YIPF4: variants seen among roughly 807,000 people sequenced by gnomAD.
The protein encoded by YIPF4 is protein YIPF4.
Under a neutral mutation model 29.4 loss-of-function variants are expected in YIPF4, and 18 were observed. The ratio of observed to expected loss-of-function variants is 0.61; its 90% confidence interval spans 0.42 to 0.91. The LOEUF (loss-of-function observed/expected upper bound fraction) is 0.91, where lower values mean the gene tolerates loss of function less well. YIPF4 is among the 40% of genes least tolerant of loss of function. YIPF4 has a pLI of 0.00. For synonymous variants in YIPF4, 115 were observed against 104.7 expected, an observed-to-expected ratio of 1.10 and a Z score of -0.60; for missense variants, 279 against 282.7, an observed-to-expected ratio of 0.99 and a Z score of 0.09.
Position 32,305,843 on chromosome 2 carries a change from A to C in YIPF4, c.*217A>C, listed in dbSNP as rs1298960912. 1.0e-5 allele frequency: 12 copies of C among 1,178,704 alleles called. No individual in the cohort carries two copies. The highest frequency in any genetic ancestry group is 3.4e-4 in the Middle Eastern group (1 of 2,914). The allele number at this position is 1,178,704 out of a possible 1,614,324, so 73.0% of individuals were successfully genotyped here. The stretch of plus-strand genomic sequence containing the variant: ...GGGTCAGAATTTTAAATTCTGTTTG[A>C]TTCTCCATATTCCAGTGAATAAAAT... On this transcript the variant is annotated 3_prime_UTR_variant, in exon 6 of 6. Coordinates refer to ENST00000238831, the MANE Select transcript of YIPF4 (RefSeq NM_032312.4).
intron 1 of YIPF4, among the ~76,000 whole-genome samples, chr2:32,279,817 G>C (rs1489519080): frequency 6.6e-6 from 1 of 151,006 alleles, no homozygotes; most frequent in Non-Finnish European, 1.5e-5. Context: ...AAATAGTACT[G>C]GTCATAATTT....
rs1181276290 is a variant in YIPF4 at position 32,310,483 on chromosome 2, T to G, written c.*4857T>G. ...CCACCCATACTCAAGTCTCACAGTC[T>G]TCCCTGCAGAATCCAAGTATACAAA... On this transcript the variant is annotated 3_prime_UTR_variant, in exon 6 of 6. Coordinates refer to ENST00000238831, the MANE Select transcript of YIPF4 (RefSeq NM_032312.4). The G allele has an allele frequency of 2.0e-5, 3 of 152,192 alleles. No homozygotes were observed. The highest frequency in any genetic ancestry group is 4.4e-5 in the Non-Finnish European group (3 of 68,034). The allele number at this position is 152,192 out of a possible 1,614,324, so 9.4% of individuals were successfully genotyped here.
chr2:32,298,724 A>G (rs2148965541), intron 4 of YIPF4, among the ~76,000 whole-genome samples: 1 of 151,806 alleles, frequency 6.6e-6, no homozygotes, highest in African/African-American at 2.4e-5. Flanking sequence ...ATGCCCGGCT[A>G]ATTTTTGAAT....
At chr2:32,285,576 G>T (rs534552169) in intron 1 of YIPF4, among the ~76,000 whole-genome samples, 1 of 151,120 alleles carries the variant, frequency 6.6e-6, no homozygotes, top group Non-Finnish European at 1.5e-5. Context: ...CCTATTCTTT[G>T]TTTGAAATTC....
At chr2:32,303,768 G>C (rs1386213085) in intron 5 of YIPF4, among the ~76,000 whole-genome samples, 1 of 152,174 alleles carries the variant, frequency 6.6e-6, no homozygotes, top group African/African-American at 2.4e-5. Flanking sequence ...TTCCTATTCA[G>C]TATAACCCTA....
intron 3 of YIPF4, among the ~76,000 whole-genome samples, chr2:32,297,255 G>C (rs1041223396): frequency 7.2e-5 from 11 of 151,910 alleles, no homozygotes; most frequent in Non-Finnish European, 1.6e-4. Flanking sequence ...CTCCGGAATA[G>C]CTGGGATTAC....
intron 3 of YIPF4, among the ~76,000 whole-genome samples, chr2:32,292,766 A>G (rs1336661490): frequency 6.7e-6 from 1 of 149,724 alleles, no homozygotes; most frequent in Non-Finnish European, 1.5e-5. Flanking sequence ...CGGGAAGCTG[A>G]GGCAGGAGAA....
intron 1 of YIPF4, among the ~76,000 whole-genome samples, chr2:32,287,331 C>T (rs947230379): frequency 1.3e-5 from 2 of 152,092 alleles, no homozygotes; most frequent in Non-Finnish European, 2.9e-5. Context: ...GTTTTTGTTT[C>T]TGTGGCACAT....
chr2:32,313,303 T>C lies in YIPF4; in HGVS notation c.*7677T>C, dbSNP rs2031754684. 1 of 152,180 alleles carries C rather than the reference T, an allele frequency of 6.6e-6. No individual in the cohort carries two copies. The highest frequency in any genetic ancestry group is 1.5e-5 in the Non-Finnish European group (1 of 68,036). 9.4% of individuals were successfully genotyped at this position (152,180 alleles called of 1,614,324 possible). Reference sequence around the variant, plus strand: ...ATAAAAAGAAAACCAGTTTGAAGTTTAGTGGTTAATGAAATTGAACAGGTA... The same window carrying C: ...ATAAAAAGAAAACCAGTTTGAAGTTCAGTGGTTAATGAAATTGAACAGGTA... On this transcript the variant is annotated 3_prime_UTR_variant, in exon 6 of 6. Transcript: ENST00000238831.
rs1558485200 is a variant in YIPF4 at position 32,312,429 on chromosome 2, A to C, written c.*6803A>C. On this transcript the variant is annotated 3_prime_UTR_variant, in exon 6 of 6. Transcript: ENST00000238831. ...CGTGTACCCGGGAGGCGGAGGTTGC[A>C]GTGAGCCGAGATCGCGCCACTGCAC... is the stretch of plus-strand genomic sequence containing the variant. 7.8e-6 allele frequency: 1 copy of C among 128,098 alleles called. No individual in the cohort carries two copies. Among genetic ancestry groups the C allele is most frequent in the Non-Finnish European group, 1.6e-5 (1 of 63,350 alleles). The allele number at this position is 128,098 out of a possible 1,614,324, so 7.9% of individuals were successfully genotyped here.
chr2:32,287,187 G>A (rs2030714438), intron 1 of YIPF4, among the ~76,000 whole-genome samples: 1 of 152,178 alleles, frequency 6.6e-6, no homozygotes, highest in South Asian at 2.1e-4. Flanking sequence ...GGAGATTGCA[G>A]TGAGTTGTGA....
At chr2:32,304,066 A>G (rs1196694029) in intron 5 of YIPF4, among the ~76,000 whole-genome samples, 1 of 152,220 alleles carries the variant, frequency 6.6e-6, no homozygotes, top group East Asian at 1.9e-4. Flanking sequence ...TCTTTTTTAT[A>G]TCATTAAAAA....
chr2:32,301,645 A>G, intron 5 of YIPF4, 150 bp downstream of exon 5: 1 of 535,846 alleles, frequency 1.9e-6, no homozygotes, highest in Non-Finnish European at 3.2e-6. Context: ...TTTGCCAGTT[A>G]TATTTCTTTC....
intron 5 of YIPF4, among the ~76,000 whole-genome samples, chr2:32,302,377 T>C (rs1241828580): frequency 2.0e-5 from 3 of 152,192 alleles, no homozygotes; most frequent in Non-Finnish European, 4.4e-5. Flanking sequence ...TCTGTATTTA[T>C]AATATGAGTT....
At chr2:32,292,129 G>A in intron 2 of YIPF4, 48 bp from the exon 3 acceptor site, 2 of 1,236,172 alleles carry the variant, frequency 1.6e-6, no homozygotes, top group Non-Finnish European at 2.1e-6. Context: ...AATTGTTTTA[G>A]TATTCAGAAA....
At chr2:32,298,200 TA>T (rs1292979066) in intron 3 of YIPF4, 33 bp from the exon 4 acceptor site, 2 of 1,481,378 alleles carry the variant, frequency 1.4e-6, no homozygotes, top group African/African-American at 1.4e-5. Context: ...TTATTTGGTA[TA>T]AAAATATTAA....
At chr2:32,285,510 A>G (rs1294207806) in intron 1 of YIPF4, among the ~76,000 whole-genome samples, 1 of 152,158 alleles carries the variant, frequency 6.6e-6, no homozygotes, top group Non-Finnish European at 1.5e-5. Context: ...GATAATTACT[A>G]TCAGTGTTCT....
rs200229465 is a variant in YIPF4, at chr2:32,309,681, C to CTTTTTTTTTTTTTTTTTTTTT, written c.*4060_*4080dup. ...TTTTAGGCTTTAGGGAATTGTGACC[C>CTTTTTTTTTTTTTTTTTTTTT]TTTTTTTTTTTTTTTTTTTTTTTTT... On this transcript the variant is annotated 3_prime_UTR_variant, in exon 6 of 6. Coordinates refer to ENST00000238831, the MANE Select transcript of YIPF4 (RefSeq NM_032312.4). 8.6e-6 allele frequency: 1 copy of CTTTTTTTTTTTTTTTTTTTTT among 116,268 alleles called. No individual in the cohort carries two copies. The allele number at this position is 116,268 out of a possible 1,614,324, so 7.2% of individuals were successfully genotyped here. A position where few individuals can be genotyped will look rare whatever the true frequency, so the allele number is the denominator to read the frequency against.
At chr2:32,284,901 C>T (rs1377380973) in intron 1 of YIPF4, among the ~76,000 whole-genome samples, 4 of 151,886 alleles carry the variant, frequency 2.6e-5, no homozygotes, top group Non-Finnish European at 4.4e-5. Flanking sequence ...TAAGATAGGG[C>T]ATGTAGAGAT....
Sources: allele counts gnomAD v4.1 joint callset (sites outside exome capture counted in the v4.1 genomes callset), GRCh38; gene constraint gnomAD v4.1.1; transcripts MANE v1.5; gene names NCBI Gene and HGNC (gene_info 2026-07-23, HGNC 2026-07-21).